LEPROTL1: variants seen among roughly 807,000 people sequenced by gnomAD.
The protein encoded by LEPROTL1 is leptin receptor overlapping transcript like 1.
In LEPROTL1, 6 loss-of-function variants were observed where a neutral mutation model predicts 15.4. The observed-to-expected ratio is 0.39, with a 90% confidence interval of 0.21 to 0.77. The LOEUF (loss-of-function observed/expected upper bound fraction) is 0.77, where lower values mean the gene tolerates loss of function less well. Among genes scored for constraint, LEPROTL1 ranks in the 30% least tolerant of loss-of-function variants. LEPROTL1 has a pLI of 0.41. For synonymous variants in LEPROTL1, 56 were observed against 52.6 expected (o/e 1.06, Z -0.28); for missense variants, 128 against 158.1 (o/e 0.81, Z 1.02).
chr8:30,136,537 T>A (rs998569569), intron 4 of LEPROTL1, among the ~76,000 whole-genome samples: 1 of 152,060 alleles, frequency 6.6e-6, no homozygotes, highest in African/African-American at 2.4e-5. Context: ...CCAGGTCTGC[T>A]CCAGCCTGCC....
Position 30,101,904 on chromosome 8 carries a change from T to C in LEPROTL1, c.23T>C (p.Ile8Thr). ...CTTTTTATTTGCTTTGCAGCTTTGATTAGTTTGTCCTTTGGAGGAGCAATC... is the reference window on the plus strand; with the variant it reads ...CTTTTTATTTGCTTTGCAGCTTTGACTAGTTTGTCCTTTGGAGGAGCAATC... MAGIKAL[I>T]SLSFGGAIGL... Residue 8 changes from isoleucine to threonine, a missense_variant, in exon 2 of 4, where the codon ATT becomes ACT. Physicochemically the swap from Ile to Thr is moderately conservative, Grantham distance 89 (BLOSUM62 -1). Transcript: ENST00000321250. 1 of 1,600,624 alleles carries C rather than the reference T, an allele frequency of 6.2e-7. No homozygotes were observed. The highest frequency in any genetic ancestry group is 8.5e-7 in the Non-Finnish European group (1 of 1,170,618).
chr8:30,123,493 G>A (rs1424438116), intron 3 of LEPROTL1, among the ~76,000 whole-genome samples: 1 of 152,184 alleles, frequency 6.6e-6, no homozygotes, highest in African/African-American at 2.4e-5. Flanking sequence ...TCTCTCAGCA[G>A]TGTTTCATAG....
intron 3 of LEPROTL1, among the ~76,000 whole-genome samples, chr8:30,126,357 C>T (rs1802906517): frequency 1.3e-5 from 2 of 152,212 alleles, no homozygotes; most frequent in Admixed American, 6.5e-5. Flanking sequence ...TGACACATGA[C>T]TGTACCTTCC....
intron 3 of LEPROTL1, among the ~76,000 whole-genome samples, chr8:30,130,262 T>A (rs1276925817): frequency 1.3e-5 from 2 of 152,246 alleles, no homozygotes; most frequent in Admixed American, 6.5e-5. Context: ...TGTTTTTTTT[T>A]ATTTGAACAA....
At chr8:30,129,825 A>G (rs1323144763) in intron 3 of LEPROTL1, among the ~76,000 whole-genome samples, 2 of 152,204 alleles carry the variant, frequency 1.3e-5, no homozygotes, top group East Asian at 3.9e-4. Context: ...TTTACAGGCT[A>G]TACAGGAAGC....
chr8:30,127,039 G>GA (rs558227978), intron 3 of LEPROTL1, among the ~76,000 whole-genome samples: 87 of 139,264 alleles, frequency 6.2e-4, no homozygotes, highest in Admixed American at 6.5e-4. Flanking sequence ...GACTGTGTCT[G>GA]AAAAAAAAAA....
In LEPROTL1 at chr8:30,119,702, C is replaced by T. The variant is rs1012228431; in HGVS notation, c.280-12673C>T. The stretch of plus-strand genomic sequence containing the variant: ...AATTTTAGGGGAATACTACTCAGCC[C>T]ATAACATCTATATACGAAAATATTA... On this transcript the variant is annotated intron_variant, in intron 3 of 4. Coordinates refer to the LEPROTL1 transcript ENST00000442880. 2.6e-5 allele frequency among the ~76,000 whole-genome samples: 4 copies of T among 152,108 alleles called. 1 individual carries two copies. The highest frequency in any genetic ancestry group is 2.0e-4 in the Admixed American group (3 of 15,274).
chr8:30,135,687 G>A (rs947202464), intron 4 of LEPROTL1, among the ~76,000 whole-genome samples: 10 of 152,060 alleles, frequency 6.6e-5, no homozygotes, highest in Non-Finnish European at 1.5e-4. Flanking sequence ...GGTGAGGTGG[G>A]CTGATCACTT....
At chr8:30,132,789 A>G in intron 4 of LEPROTL1, 1 of 1,551,762 alleles carries the variant, frequency 6.4e-7, no homozygotes, top group Non-Finnish European at 8.7e-7. Flanking sequence ...GCTCAGACAA[A>G]GAGCTCCTGC....
intron 4 of LEPROTL1, among the ~76,000 whole-genome samples, chr8:30,136,191 C>G (rs1803135980): frequency 6.6e-6 from 1 of 152,136 alleles, no homozygotes; most frequent in Non-Finnish European, 1.5e-5. Context: ...CAGAATGTGA[C>G]TGTATATGGA....
At chr8:30,124,242 C>G (rs903527054) in intron 3 of LEPROTL1, among the ~76,000 whole-genome samples, 1 of 152,108 alleles carries the variant, frequency 6.6e-6, no homozygotes, top group African/African-American at 2.4e-5. Context: ...AGTTTTTGAT[C>G]TTTTCATTAG....
rs532419638 is a variant in LEPROTL1 at position 30,127,319 on chromosome 8, C to T, written c.280-5056C>T. ...CTATTTTCAAACAAATGAATGAGAT[C>T]CCCTGGGGACCTGAAAGAGCTGCCA... On this transcript the variant is annotated intron_variant, in intron 3 of 4. Transcript: ENST00000442880. 6.6e-5 allele frequency among the ~76,000 whole-genome samples: 10 copies of T among 152,222 alleles called. No individual in the cohort carries two copies. In the East Asian group the frequency reaches 1.9e-3, roughly 29 times the overall value.
rs142555089 is a variant in LEPROTL1 at position 30,132,206 on chromosome 8, C to T, written c.280-169C>T. On this transcript the variant is annotated intron_variant, in intron 3 of 4. Transcript: ENST00000442880. ...GCTTCCACCATCACGGCCCAGCAAA[C>T]GAAACCAAACACCTGTCCTGGATGG... 38 of 1,551,862 alleles carry T rather than the reference C, an allele frequency of 2.4e-5. No individual in the cohort carries two copies. The highest frequency in any genetic ancestry group is 1.9e-4 in the African/African-American group (14 of 73,154).
At chr8:30,133,043 C>T in intron 4 of LEPROTL1, 1 of 652,918 alleles carries the variant, frequency 1.5e-6, no homozygotes, top group Non-Finnish European at 2.4e-6. Context: ...CTGCAGGACC[C>T]CACACAAAAT....
At chr8:30,130,475 G>A (rs1251422555) in intron 3 of LEPROTL1, among the ~76,000 whole-genome samples, 3 of 152,154 alleles carry the variant, frequency 2.0e-5, no homozygotes, top group Admixed American at 6.5e-5. Flanking sequence ...AAATGACATT[G>A]CTACTGCATA....
chr8:30,098,389 G>A (rs1186815686), intron 1 of LEPROTL1, among the ~76,000 whole-genome samples: 7 of 152,230 alleles, frequency 4.6e-5, no homozygotes, highest in Admixed American at 2.0e-4. Flanking sequence ...ATTGTGTCAC[G>A]AAAATGAGTT....
chr8:30,137,365 A>G, exon 5 of LEPROTL1: 1 of 1,551,708 alleles, frequency 6.4e-7, no homozygotes, highest in Non-Finnish European at 8.7e-7. Flanking sequence ...AGCAGCCGCC[A>G]TGAGAAGATT....
intron 1 of LEPROTL1, among the ~76,000 whole-genome samples, chr8:30,099,502 T>C (rs1035812483): frequency 1.4e-5 from 2 of 142,312 alleles, no homozygotes; most frequent in Non-Finnish European, 3.0e-5. Context: ...TCAGAAAGGC[T>C]GAGGCAGGAG....
chr8:30,113,064 G>C (rs921487589), downstream of LEPROTL1, among the ~76,000 whole-genome samples: 2 of 148,174 alleles, frequency 1.3e-5, no homozygotes, highest in African/African-American at 5.0e-5. Flanking sequence ...TTGAGGTCAG[G>C]AGTTTGAGAC....
Sources: allele counts gnomAD v4.1 joint callset (sites outside exome capture counted in the v4.1 genomes callset), GRCh38; gene constraint gnomAD v4.1.1; transcripts MANE v1.5; gene names NCBI Gene and HGNC (gene_info 2026-07-23, HGNC 2026-07-21).